FGGY: variants seen among roughly 807,000 people sequenced by gnomAD.
The protein encoded by FGGY is FGGY carbohydrate kinase domain-containing protein.
In FGGY, 72 loss-of-function variants were observed where a neutral mutation model predicts 71.3. The ratio of observed to expected loss-of-function variants is 1.01; its 90% CI spans 0.84 to 1.23. The LOEUF (loss-of-function observed/expected upper bound fraction) is 1.23. FGGY is among the 50% of genes most tolerant of loss of function. The pLI is 0.00. For missense variants in FGGY, 668 were observed against 682.3 expected (o/e 0.98, Z 0.23); for synonymous variants, 251 against 250.3 (o/e 1.00, Z -0.02).
chr1:59,482,528 A>T (rs597728), intron 6 of FGGY, among the ~76,000 whole-genome samples: 1 of 151,136 alleles, frequency 6.6e-6, no homozygotes. Context: ...TATTTCCCAC[A>T]GAGAATTACA....
intron 1 of FGGY, among the ~76,000 whole-genome samples, chr1:59,303,378 C>A (rs928944176): frequency 2.6e-5 from 4 of 152,042 alleles, no homozygotes; most frequent in African/African-American, 9.7e-5. Context: ...CTGTTTTTGG[C>A]TTATTTCAAT....
At chr1:59,529,876 A>T (rs1455401382) in intron 7 of FGGY, among the ~76,000 whole-genome samples, 1 of 152,254 alleles carries the variant, frequency 6.6e-6, no homozygotes, top group Admixed American at 6.5e-5. Context: ...AAACAAATCC[A>T]TGCATTAGGC....
chr1:59,679,967 G>A (rs988439610), intron 14 of FGGY, among the ~76,000 whole-genome samples: 1 of 152,128 alleles, frequency 6.6e-6, no homozygotes, highest in Non-Finnish European at 1.5e-5. Context: ...TAAAATTAGA[G>A]GCATATAATT....
chr1:59,511,139 G>A (rs1394487115), intron 6 of FGGY, among the ~76,000 whole-genome samples: 1 of 152,064 alleles, frequency 6.6e-6, no homozygotes, highest in African/African-American at 2.4e-5. Flanking sequence ...TTCAATTGTA[G>A]ATAGAAGCTC....
chr1:59,687,669 C>T (rs141842178), intron 14 of FGGY, among the ~76,000 whole-genome samples: 1 of 151,362 alleles, frequency 6.6e-6, no homozygotes, highest in Non-Finnish European at 1.5e-5. Context: ...GGTGTTTCAC[C>T]GTGTTAGCCA....
intron 8 of FGGY, among the ~76,000 whole-genome samples, chr1:59,575,322 C>T (rs772845388): frequency 5.3e-5 from 8 of 152,140 alleles, no homozygotes; most frequent in Non-Finnish European, 1.0e-4. Flanking sequence ...ATGAGTTCAA[C>T]TTTATTAAGC....
At chr1:59,677,941 G>A (rs923181649) in intron 14 of FGGY, among the ~76,000 whole-genome samples, 23 of 151,766 alleles carry the variant, frequency 1.5e-4, no homozygotes, top group African/African-American at 4.6e-4. Flanking sequence ...TGTCAAATTC[G>A]GATCTCACAA....
chr1:59,385,234 C>T (rs764320579), intron 5 of FGGY, among the ~76,000 whole-genome samples: 1 of 151,912 alleles, frequency 6.6e-6, no homozygotes, highest in Non-Finnish European at 1.5e-5. Context: ...TCTCATCCTC[C>T]GAAATATGGC....
intron 14 of FGGY, among the ~76,000 whole-genome samples, chr1:59,716,154 C>T (rs1168248753): frequency 6.6e-6 from 1 of 152,202 alleles, no homozygotes; most frequent in Non-Finnish European, 1.5e-5. Context: ...GGATTTGAAT[C>T]AAACAGCCTG....
intron 5 of FGGY, among the ~76,000 whole-genome samples, chr1:59,424,180 C>T (rs1285122502): frequency 6.6e-6 from 1 of 152,174 alleles, no homozygotes; most frequent in African/African-American, 2.4e-5. Context: ...TTCTAAATAC[C>T]ATACAAATAC....
At chr1:59,607,746 C>T in intron 8 of FGGY, 57 bp from the exon 9 acceptor site, 1 of 1,350,136 alleles carries the variant, frequency 7.4e-7, no homozygotes, top group Non-Finnish European at 1.1e-6. Flanking sequence ...AGGAGGAGAA[C>T]CCTTCCCCTA....
intron 5 of FGGY, among the ~76,000 whole-genome samples, chr1:59,442,061 TTTCACTCATGAAA>T (rs1263237149): frequency 6.6e-6 from 1 of 152,226 alleles, no homozygotes; most frequent in Non-Finnish European, 1.5e-5. Context: ...ATATCTTGTA[TTTCACTCATGAAA>T]TTCACCAATC....
intron 14 of FGGY, among the ~76,000 whole-genome samples, chr1:59,717,240 G>A (rs1487560775): frequency 6.6e-6 from 1 of 152,018 alleles, no homozygotes; most frequent in African/African-American, 2.4e-5. Context: ...TGTGCTTGTC[G>A]TTGAGATTTT....
Position 59,554,239 on chromosome 1 carries a change from G to T in FGGY, c.903+12G>T. On this transcript the variant is annotated intron_variant, in intron 8 of 15. Coordinates refer to ENST00000303721, the MANE Select transcript of FGGY (RefSeq NM_018291.5). Reference sequence around the variant, plus strand: ...CTTGTCACATGGGGGTGAGTCCACTGAGCACAAAGGCAAGGCCACCACACA... The same window carrying T: ...CTTGTCACATGGGGGTGAGTCCACTTAGCACAAAGGCAAGGCCACCACACA... 1 of 1,605,978 alleles carries T rather than the reference G, an allele frequency of 6.2e-7. No individual in the cohort carries two copies. Among genetic ancestry groups the T allele is most frequent in the South Asian group, 1.1e-5 (1 of 90,722 alleles).
chr1:59,312,427 T>A (rs2044517182), intron 1 of FGGY, among the ~76,000 whole-genome samples: 1 of 152,158 alleles, frequency 6.6e-6, no homozygotes, highest in South Asian at 2.1e-4. Context: ...CTTTGGTAGG[T>A]GTTATAAATG....
intron 8 of FGGY, among the ~76,000 whole-genome samples, chr1:59,592,498 C>T (rs925899487): frequency 3.3e-5 from 5 of 152,088 alleles, no homozygotes; most frequent in African/African-American, 9.7e-5. Context: ...ATGTTTATTG[C>T]TGCACTATTC....
chr1:59,586,137 T>G (rs187986402), intron 8 of FGGY, among the ~76,000 whole-genome samples: 1 of 152,334 alleles, frequency 6.6e-6, no homozygotes, highest in Admixed American at 6.5e-5. Flanking sequence ...AAATACCATT[T>G]GACCCAGCCA....
intron 5 of FGGY, among the ~76,000 whole-genome samples, chr1:59,434,108 CT>C (rs1238781645): frequency 5.3e-5 from 8 of 152,192 alleles, no homozygotes; most frequent in Non-Finnish European, 1.0e-4. Flanking sequence ...GCTCAAAAGG[CT>C]TAAACTCCCT....
intron 2 of FGGY, among the ~76,000 whole-genome samples, chr1:59,336,602 C>G (rs1437987124): frequency 6.6e-6 from 1 of 151,656 alleles, no homozygotes; most frequent in Non-Finnish European, 1.5e-5. Context: ...GGTTTTAAGC[C>G]CCACATGCAT....
Sources: allele counts gnomAD v4.1 joint callset (sites outside exome capture counted in the v4.1 genomes callset), GRCh38; gene constraint gnomAD v4.1.1; transcripts MANE v1.5; gene names NCBI Gene and HGNC (gene_info 2026-07-23, HGNC 2026-07-21).